Variants in EGFR observed in about 807,000 individuals in gnomAD.
The protein encoded by EGFR is epidermal growth factor receptor, also known as avian erythroblastic leukemia viral (v-erb-b) oncogene homolog.
Under a neutral mutation model 143.0 loss-of-function variants are expected in EGFR, and 58 were observed. That is an observed-to-expected ratio of 0.41 (90% CI 0.33 to 0.50). The LOEUF (loss-of-function observed/expected upper bound fraction) is 0.50, where lower values mean the gene tolerates loss of function less well. EGFR is among the 20% of genes least tolerant of loss of function. The pLI is 0.39. For missense variants in EGFR, 1,307 were observed against 1,579.0 expected (o/e 0.83, Z 2.92); for synonymous variants, 613 against 594.4 (o/e 1.03, Z -0.45).
chr7:55,122,493 G>A (rs1793267312), intron 1 of EGFR, among the ~76,000 whole-genome samples: 1 of 152,224 alleles, frequency 6.6e-6, no homozygotes, highest in African/African-American at 2.4e-5. Context: ...GCCCTCAAGA[G>A]GCAGCCATGG....
intron 15 of EGFR, chr7:55,170,244 G>A: frequency 6.2e-7 from 1 of 1,613,014 alleles, no homozygotes. Flanking sequence ...TCAGATTATA[G>A]TGTTACACCA....
intron 1 of EGFR, among the ~76,000 whole-genome samples, chr7:55,113,422 A>G (rs1037544863): frequency 6.6e-6 from 1 of 152,238 alleles, no homozygotes; most frequent in East Asian, 1.9e-4. Context: ...GGTGAAATAT[A>G]CAGTTGAAAA....
chr7:55,055,675 C>T (rs1177870227), intron 1 of EGFR, among the ~76,000 whole-genome samples: 2 of 151,404 alleles, frequency 1.3e-5, no homozygotes, highest in Non-Finnish European at 2.9e-5. Context: ...GTCTCATCCT[C>T]TTTCCCTGCA....
chr7:55,151,193 T>C (rs1404849931), intron 4 of EGFR, 101 bp from the exon 5 acceptor site: 2 of 1,145,228 alleles, frequency 1.7e-6, no homozygotes, highest in Non-Finnish European at 2.6e-6. Context: ...TTGAAAAGAT[T>C]GTCTTCATTT....
chr7:55,147,200 C>T (rs1794812401), intron 4 of EGFR, among the ~76,000 whole-genome samples: 1 of 152,232 alleles, frequency 6.6e-6, no homozygotes, highest in South Asian at 2.1e-4. Flanking sequence ...TGGGCACTGC[C>T]ATGGAGAGGA....
At chr7:55,153,932 A>C in intron 6 of EGFR, 79 bp from the exon 7 acceptor site, 6 of 1,605,930 alleles carry the variant, frequency 3.7e-6, no homozygotes, top group Non-Finnish European at 5.1e-6. Flanking sequence ...ACGGGAGTCA[A>C]CACCGTGCTG....
chr7:55,056,141 T>TTGAA, intron 1 of EGFR, among the ~76,000 whole-genome samples: 1 of 152,244 alleles, frequency 6.6e-6, no homozygotes, highest in Non-Finnish European at 1.5e-5. Flanking sequence ...TGAGGGAAGA[T>TTGAA]TGAATGAAAG....
At chr7:55,174,917 T>C in intron 19 of EGFR, 97 bp downstream of exon 19, 4 of 892,136 alleles carry the variant, frequency 4.5e-6, no homozygotes, top group Non-Finnish European at 7.5e-6. Flanking sequence ...ACCCTGCTCA[T>C]CTCCACATCC....
intron 15 of EGFR, 123 bp downstream of exon 15, chr7:55,165,560 G>GT: frequency 7.3e-7 from 1 of 1,370,948 alleles, no homozygotes; most frequent in Non-Finnish European, 9.8e-7. Flanking sequence ...TACTTAAGGT[G>GT]TTTTGGTCCC....
intron 4 of EGFR, among the ~76,000 whole-genome samples, chr7:55,149,668 C>T (rs1253173398): frequency 2.0e-5 from 3 of 151,716 alleles, no homozygotes; most frequent in Admixed American, 6.6e-5. Flanking sequence ...TATCACATTT[C>T]GGAATAAGAG....
chr7:55,176,113 C>T (rs1786579239), intron 19 of EGFR, among the ~76,000 whole-genome samples: 1 of 152,200 alleles, frequency 6.6e-6, no homozygotes, highest in African/African-American at 2.4e-5. Context: ...CAATCTCTGG[C>T]CCCTCACCTG....
Position 55,152,484 on chromosome 7 carries a change from A to G in EGFR, c.629-62A>G, listed in dbSNP as rs11506105. 0.58 allele frequency: 844,931 copies of G among 1,463,048 alleles called. 246,390 individuals are homozygous for G. The highest frequency in any genetic ancestry group is 0.65 in the African/African-American group (46,542 of 72,042). 90.6% of individuals were successfully genotyped at this position (1,463,048 alleles called of 1,614,324 possible). ...AAAAAGTCTGCAAGTGCTCTGCGAC[A>G]TCCCTGGGAAATGATCCTACCCTCA... is the stretch of plus-strand genomic sequence containing the variant. On this transcript the variant is annotated intron_variant, in intron 5 of 27. Coordinates refer to ENST00000275493, the MANE Select transcript of EGFR (RefSeq NM_005228.5).
intron 1 of EGFR, among the ~76,000 whole-genome samples, chr7:55,097,104 T>C (rs1188996839): frequency 6.6e-6 from 1 of 152,204 alleles, no homozygotes; most frequent in Non-Finnish European, 1.5e-5. Flanking sequence ...AATTCTAACC[T>C]GTGAGGAAGC....
At position 55,163,726 on chromosome 7, in the gene EGFR, C is replaced by T. The variant is rs2128944564; in HGVS notation, c.1632-7C>T. On this transcript the variant is annotated splice_polypyrimidine_tract_variant and splice_region_variant and intron_variant, in intron 13 of 27. Coordinates refer to ENST00000275493, the MANE Select transcript of EGFR (RefSeq NM_005228.5). ...TGGGCTGACGGGTTTCCTCTTCCTC[C>T]TCTCAGTGAGCCAAGGGAGTTTGTG... is the stretch of plus-strand genomic sequence containing the variant. 2 of 1,613,934 alleles carry T rather than the reference C, an allele frequency of 1.2e-6. No homozygotes were observed. Among genetic ancestry groups the T allele is most frequent in the South Asian group, 1.1e-5 (1 of 91,078 alleles).
Position 55,142,212 on chromosome 7 carries a change from C to A in EGFR, c.89-74C>A, listed in dbSNP as rs560894964. On this transcript the variant is annotated intron_variant, in intron 1 of 27. Transcript: ENST00000275493. Reference sequence around the variant, plus strand: ...GAAACTGCTACCCTTAATACCTGGACCTTGAGGGATTGTTTTATTTTAGTT... The same window carrying A: ...GAAACTGCTACCCTTAATACCTGGAACTTGAGGGATTGTTTTATTTTAGTT... 82 of 1,576,078 alleles carry A rather than the reference C, an allele frequency of 5.2e-5. No homozygotes were observed. The African/African-American group carries it at 1.1e-3, about 21-fold the overall frequency.
In EGFR at chr7:55,202,625, G is replaced by A. The variant is rs1328333567; in HGVS notation, c.3271G>A (p.Glu1091Lys). 1.2e-6 allele frequency: 2 copies of A among 1,610,478 alleles called. No individual in the cohort carries two copies. The highest frequency in any genetic ancestry group is 1.7e-6 in the Non-Finnish European group (2 of 1,178,324). The change falls in exon 27 of 28, where the codon GAA (glutamate) becomes AAA (lysine). Residue 1091 changes from glutamate (E) to lysine (K), a missense_variant and splice_region_variant. Physicochemically the swap from Glu to Lys is moderately conservative, Grantham distance 56. Around this residue, in one of 7 missense-constraint regions of EGFR, gnomAD observed 313 missense variants for 312.3 expected, o/e 1.00. Transcript: ENST00000275493. ...AGACGACACCTTCCTCCCAGTGCCT[G>A]GTGAGTGGCTTGTCTGGAAACAGTC... is the stretch of plus-strand genomic sequence containing the variant. Reference protein sequence around the residue: ...SIDDTFLPVPEYINQSVPKRP... With the variant: ...SIDDTFLPVPKYINQSVPKRP...
rs397517119 is a variant in EGFR, at chr7:55,181,344, G to T, written c.2335G>T (p.Gly779Cys). Residue 779 changes from glycine to cysteine, a missense_variant, in exon 20 of 28, where the codon GGC (glycine) becomes TGC (cysteine). Transcript: ENST00000275493. Reference sequence around the variant, plus strand: ...CAACCCCCACGTGTGCCGCCTGCTGGGCATCTGCCTCACCTCCACCGTGCA... The same window carrying T: ...CAACCCCCACGTGTGCCGCCTGCTGTGCATCTGCCTCACCTCCACCGTGCA... ...VDNPHVCRLLGICLTSTVQLI... is the reference protein window; with the variant it reads ...VDNPHVCRLLCICLTSTVQLI... The T allele has an allele frequency of 6.2e-7, 1 of 1,614,066 alleles. No individual in the cohort carries two copies. Among genetic ancestry groups the T allele is most frequent in the South Asian group, 1.1e-5 (1 of 91,082 alleles).
intron 10 of EGFR, 55 bp downstream of exon 10, chr7:55,156,887 G>C (rs41522547): frequency 6.2e-7 from 1 of 1,612,228 alleles, no homozygotes; most frequent in South Asian, 1.1e-5. Flanking sequence ...TTTAGAGAGA[G>C]AACTTTTCGA....
intron 4 of EGFR, 97 bp downstream of exon 4, chr7:55,146,837 C>T (rs1441022639): frequency 1.3e-6 from 2 of 1,536,788 alleles, no homozygotes; most frequent in Admixed American, 1.8e-5. Context: ...TAGTAAGTCA[C>T]ATTAATCAGA....
Sources: allele counts gnomAD v4.1 joint callset (sites outside exome capture counted in the v4.1 genomes callset), GRCh38; gene constraint gnomAD v4.1.1; regional missense constraint gnomAD v4.1.1; transcripts MANE v1.5; gene names NCBI Gene and HGNC (gene_info 2026-07-23, HGNC 2026-07-21).